The following SH3BP5 variants were observed in gnomAD, a reference collection of about 807,000 sequenced individuals.
SH3BP5 encodes SH3 domain binding protein 5.
SH3BP5 carries 22 observed loss-of-function variants against 43.3 expected under a neutral mutation model. The ratio of observed to expected loss-of-function variants is 0.51; its 90% confidence interval spans 0.36 to 0.73. The LOEUF (loss-of-function observed/expected upper bound fraction) is 0.73, where lower values mean the gene tolerates loss of function less well. Ranked by LOEUF, SH3BP5 falls within the 30% of genes least tolerant of loss-of-function variation. SH3BP5 has a pLI of 0.00. For missense variants in SH3BP5, 529 were observed against 586.9 expected (o/e 0.90, Z 1.02); for synonymous variants, 255 against 225.8 (o/e 1.13, Z -1.16).
intron 4 of SH3BP5, 108 bp from the exon 5 acceptor site, chr3:15,262,397 C>T: frequency 1.5e-6 from 2 of 1,362,392 alleles, no homozygotes; most frequent in Non-Finnish European, 2.0e-6. Flanking sequence ...CATGGTGACA[C>T]ATGTGTAATC....
chr3:15,257,144 G>A, intron 7 of SH3BP5, 31 bp from the exon 8 acceptor site: 2 of 1,602,144 alleles, frequency 1.2e-6, no homozygotes, highest in Non-Finnish European at 1.7e-6. Flanking sequence ...AGTCACATGG[G>A]TTCTGTCACC....
At position 15,255,968 on chromosome 3, in the gene SH3BP5, T is replaced by G; in HGVS notation, c.*118A>C. 3.5e-6 allele frequency: 3 copies of G among 861,880 alleles called. No homozygotes were observed. The South Asian group carries it at 4.9e-5, about 14-fold the overall frequency. The allele number at this position is 861,880 out of a possible 1,614,324, so 53.4% of individuals were successfully genotyped here. ...AGCCCTCAAGGTCACTGAAACTTCA[T>G]TAGAGCAGTTTAGAGTAGACGTGTA... is the stretch of plus-strand genomic sequence containing the variant. On this transcript the variant is annotated 3_prime_UTR_variant, in exon 9 of 9. Transcript: ENST00000383791.
chr3:15,265,559 C>CACACACACACACAA (rs1285577992), intron 4 of SH3BP5, among the ~76,000 whole-genome samples: 2 of 142,932 alleles, frequency 1.4e-5, no homozygotes, highest in South Asian at 4.6e-4. Context: ...CACACACACA[C>CACACACACACACAA]AACCCTCCAG....
chr3:15,303,686 A>T (rs1697816862), intron 3 of SH3BP5, among the ~76,000 whole-genome samples: 1 of 151,316 alleles, frequency 6.6e-6, no homozygotes, highest in African/African-American at 2.5e-5. Flanking sequence ...GCCAAATCTT[A>T]AAAAGGAAAA....
At chr3:15,338,331 G>C (rs1698726443) in intron 1 of SH3BP5, among the ~76,000 whole-genome samples, 1 of 152,070 alleles carries the variant, frequency 6.6e-6, no homozygotes, top group Non-Finnish European at 1.5e-5. Flanking sequence ...CAACAGATAG[G>C]GACCCTGTTT....
At chr3:15,289,358 T>TC (rs1559441280) in intron 3 of SH3BP5, among the ~76,000 whole-genome samples, 1 of 152,166 alleles carries the variant, frequency 6.6e-6, no homozygotes, top group African/African-American at 2.4e-5. Flanking sequence ...GGGACATATA[T>TC]CCCTTCCTCA....
chr3:15,297,648 C>T (rs1361477926), intron 3 of SH3BP5, among the ~76,000 whole-genome samples: 2 of 152,106 alleles, frequency 1.3e-5, no homozygotes, highest in Non-Finnish European at 1.5e-5. Flanking sequence ...CAAGCAGAGG[C>T]TTGAAAAGGG....
At chr3:15,310,139 G>A (rs999748509) in intron 2 of SH3BP5, among the ~76,000 whole-genome samples, 15 of 152,164 alleles carry the variant, frequency 9.9e-5, no homozygotes, top group Non-Finnish European at 1.6e-4. Flanking sequence ...GTGATTGTTC[G>A]ATGAGCAGGG....
At chr3:15,284,135 C>T (rs1306513382) in intron 3 of SH3BP5, among the ~76,000 whole-genome samples, 1 of 152,152 alleles carries the variant, frequency 6.6e-6, no homozygotes, top group Non-Finnish European at 1.5e-5. Context: ...ACCAGCTGCT[C>T]CTCTGGCCGT....
intron 2 of SH3BP5, among the ~76,000 whole-genome samples, chr3:15,327,675 A>G (rs1698498682): frequency 1.3e-5 from 2 of 152,230 alleles, no homozygotes; most frequent in Admixed American, 1.3e-4. Flanking sequence ...CTGGAGGGCA[A>G]GGTCTTTGTC....
intron 3 of SH3BP5, among the ~76,000 whole-genome samples, chr3:15,286,687 G>A: frequency 6.6e-6 from 1 of 152,128 alleles, no homozygotes; most frequent in East Asian, 1.9e-4. Context: ...CTAGGTAGCT[G>A]GGACTACAGG....
rs190365545 is a variant in SH3BP5 at position 15,308,474 on chromosome 3, G to A, written c.202-4243C>T. 1.2e-4 allele frequency among the ~76,000 whole-genome samples: 18 copies of A among 152,288 alleles called. 1 individual carries two copies. The highest frequency in any genetic ancestry group is 6.5e-5 in the Admixed American group (1 of 15,292). The stretch of plus-strand genomic sequence containing the variant: ...AGCAGTGCTAAGACTACTTACACAC[G>A]TTGAGCAACAGACACACGGCTGAGA... On this transcript the variant is annotated intron_variant, in intron 2 of 8. Coordinates refer to ENST00000383791, the MANE Select transcript of SH3BP5 (RefSeq NM_004844.5).
At chr3:15,327,261 A>G (rs530748770) in intron 2 of SH3BP5, among the ~76,000 whole-genome samples, 1 of 152,228 alleles carries the variant, frequency 6.6e-6, no homozygotes, top group East Asian at 1.9e-4. Flanking sequence ...TTAGCCAGGC[A>G]TGGTGGCGCA....
chr3:15,319,746 C>A (rs1293904032), intron 2 of SH3BP5, among the ~76,000 whole-genome samples: 2 of 152,302 alleles, frequency 1.3e-5, no homozygotes, highest in South Asian at 4.1e-4. Flanking sequence ...GAGCTCCCAG[C>A]ATAAGCTTTC....
chr3:15,331,535 G>A (rs1364996541), intron 1 of SH3BP5, among the ~76,000 whole-genome samples: 2 of 152,140 alleles, frequency 1.3e-5, no homozygotes, highest in Non-Finnish European at 2.9e-5. Context: ...ATCTCGGCTT[G>A]GAAATTGTTT....
intron 2 of SH3BP5, among the ~76,000 whole-genome samples, chr3:15,322,094 T>C (rs996177846): frequency 6.6e-6 from 1 of 152,032 alleles, no homozygotes; most frequent in Admixed American, 6.6e-5. Flanking sequence ...ATCCAGCTAC[T>C]TGGGAGGCTG....
intron 2 of SH3BP5, among the ~76,000 whole-genome samples, chr3:15,329,205 A>C (rs992641030): frequency 5.9e-5 from 9 of 152,192 alleles, no homozygotes; most frequent in Non-Finnish European, 1.5e-5. Flanking sequence ...CATGGCTACC[A>C]TATGGGACAG....
At chr3:15,329,604 T>C (rs1455939310) in intron 2 of SH3BP5, among the ~76,000 whole-genome samples, 3 of 152,220 alleles carry the variant, frequency 2.0e-5, no homozygotes, top group African/African-American at 7.2e-5. Context: ...TCCTGGTAGA[T>C]TATATTCCTA....
intron 3 of SH3BP5, among the ~76,000 whole-genome samples, chr3:15,284,501 G>C (rs1022537153): frequency 2.6e-5 from 4 of 152,168 alleles, no homozygotes; most frequent in Non-Finnish European, 4.4e-5. Flanking sequence ...GAAATAAATG[G>C]GTTCAAAGTC....
Sources: allele counts gnomAD v4.1 joint callset (sites outside exome capture counted in the v4.1 genomes callset), GRCh38; gene constraint gnomAD v4.1.1; transcripts MANE v1.5; gene names NCBI Gene and HGNC (gene_info 2026-07-23, HGNC 2026-07-21).